Variants in TBC1D1 observed in about 807,000 individuals in gnomAD.
The protein encoded by TBC1D1 is TBC1 domain family member 1, also known as TBC1 (tre-2/USP6, BUB2, cdc16) domain family, member 1.
Under a neutral mutation model 125.6 loss-of-function variants are expected in TBC1D1, and 89 were observed. The observed-to-expected ratio is 0.71, with a 90% CI of 0.60 to 0.85. The LOEUF is 0.85. Ranked by LOEUF, TBC1D1 falls within the 40% of genes least tolerant of loss-of-function variation. The pLI, the probability that TBC1D1 is intolerant of heterozygous loss-of-function variation, is 0.00. For synonymous variants in TBC1D1, 565 were observed against 564.1 expected (o/e 1.00, Z -0.02); for missense variants, 1,377 against 1,469.2 (o/e 0.94, Z 1.03).
intron 12 of TBC1D1, among the ~76,000 whole-genome samples, chr4:38,081,456 A>G (rs1005408026): frequency 1.5e-4 from 23 of 151,920 alleles, no homozygotes; most frequent in Admixed American, 1.5e-3. Context: ...CGGGCCTCCT[A>G]TTGTTGCGAG....
In TBC1D1 at chr4:38,008,815, C is replaced by T. The variant is rs189629974; in HGVS notation, c.418-5694C>T. ...ACAGGAGCGGCCTTCTGTGCCTTCG[C>T]CCATGTTTGTGTTCTGGCACCTGTC... On this transcript the variant is annotated intron_variant, in intron 2 of 19. Coordinates refer to ENST00000261439, the MANE Select transcript of TBC1D1 (RefSeq NM_015173.4). Among the ~76,000 whole-genome samples, 1,218 of 152,290 alleles carry T rather than the reference C, an allele frequency of 8.0e-3. 6 individuals are homozygous for T. The highest frequency in any genetic ancestry group is 0.029 in the South Asian group (139 of 4,822).
At chr4:37,958,508 T>G (rs1729340764) in intron 2 of TBC1D1, among the ~76,000 whole-genome samples, 2 of 152,220 alleles carry the variant, frequency 1.3e-5, no homozygotes, top group African/African-American at 4.8e-5. Flanking sequence ...ACTTAAGCAT[T>G]CCGTCTCTCC....
chr4:37,910,628 A>G lies in TBC1D1; in HGVS notation c.417+8116A>G, dbSNP rs995529835. On this transcript the variant is annotated intron_variant, in intron 2 of 19. Coordinates refer to ENST00000261439, the MANE Select transcript of TBC1D1 (RefSeq NM_015173.4). ...TGAACTCATGGAGATAGGGAGTAGAATGATGGTTACCAGAGACTGGGAAGG... is the reference window on the plus strand; with the variant it reads ...TGAACTCATGGAGATAGGGAGTAGAGTGATGGTTACCAGAGACTGGGAAGG... Among the ~76,000 whole-genome samples, 83 of 152,284 alleles carry G rather than the reference A, an allele frequency of 5.5e-4. 1 individual carries two copies. The highest frequency in any genetic ancestry group is 4.4e-5 in the Non-Finnish European group (3 of 68,030).
chr4:37,916,265 T>C (rs1469347521), intron 2 of TBC1D1, among the ~76,000 whole-genome samples: 1 of 152,180 alleles, frequency 6.6e-6, no homozygotes, highest in African/African-American at 2.4e-5. Flanking sequence ...TATGAAATCA[T>C]TTTTTATATC....
intron 12 of TBC1D1, among the ~76,000 whole-genome samples, chr4:38,080,610 C>T (rs1049066315): frequency 2.0e-5 from 3 of 152,244 alleles, no homozygotes; most frequent in African/African-American, 7.2e-5. Flanking sequence ...CCCGCATCTC[C>T]TTCCCAGTCG....
chr4:38,119,810 A>T (rs1485026920), intron 17 of TBC1D1: 1 of 233,366 alleles, frequency 4.3e-6, no homozygotes, highest in Non-Finnish European at 7.0e-6. Context: ...CAGGCATTAA[A>T]TTACTTGGTT....
chr4:38,018,949 A>T (rs562463332), intron 4 of TBC1D1, among the ~76,000 whole-genome samples: 27 of 152,224 alleles, frequency 1.8e-4, no homozygotes, highest in African/African-American at 6.0e-4. Context: ...TTTCTACTTT[A>T]CAAAAATTTA....
intron 12 of TBC1D1, among the ~76,000 whole-genome samples, chr4:38,067,558 A>G (rs1335360298): frequency 6.6e-6 from 1 of 152,194 alleles, no homozygotes; most frequent in East Asian, 1.9e-4. Context: ...TCAGCCTGGC[A>G]AGGATTCAGA....
chr4:38,021,681 C>G lies in TBC1D1; in HGVS notation c.1173C>G (p.Pro391=), dbSNP rs34119528. ...CAGCCCAGCTGTGTGAGGGCTGCCC[C>G]CTGCAAAGCCTGCACAAGCTCTGTG... Residue 391 remains proline (P), a synonymous_variant, in exon 6 of 20, where the codon CCC becomes CCG. Transcript: ENST00000261439. The G allele has an allele frequency of 0.16, 249,732 of 1,588,454 alleles. 22,276 individuals are homozygous for G. The highest frequency in any genetic ancestry group is 0.39 in the East Asian group (17,077 of 43,288).
chr4:37,945,437 TG>T (rs1041223989), intron 2 of TBC1D1, among the ~76,000 whole-genome samples: 6 of 135,840 alleles, frequency 4.4e-5, no homozygotes, highest in Admixed American at 8.5e-5. Context: ...CACTTGAACC[TG>T]GGAGGCGGAG....
At chr4:37,944,792 C>T (rs530053505) in intron 2 of TBC1D1, among the ~76,000 whole-genome samples, 28 of 152,292 alleles carry the variant, frequency 1.8e-4, no homozygotes, top group African/African-American at 5.8e-4. Context: ...CCAGGTGAGG[C>T]GATGCCTCGC....
chr4:38,134,148 G>C (rs1461628069), intron 19 of TBC1D1, among the ~76,000 whole-genome samples: 1 of 152,138 alleles, frequency 6.6e-6, no homozygotes, highest in African/African-American at 2.4e-5. Flanking sequence ...TGGTGTTCCT[G>C]GGCTGTCCTG....
At chr4:37,983,146 C>T (rs551572494) in intron 2 of TBC1D1, among the ~76,000 whole-genome samples, 43 of 126,748 alleles carry the variant, frequency 3.4e-4, no homozygotes, top group Admixed American at 8.5e-4. Flanking sequence ...TTTTTTCAGA[C>T]GGAGTCTCGC....
chr4:37,961,874 CA>C (rs1433486174), intron 2 of TBC1D1, among the ~76,000 whole-genome samples: 3 of 152,194 alleles, frequency 2.0e-5, no homozygotes, highest in African/African-American at 7.2e-5. Flanking sequence ...AAAAAAGATG[CA>C]AGGTCTCAGT....
intron 15 of TBC1D1, 23 bp from the exon 18 acceptor site, chr4:38,115,687 A>G (rs1762869541): frequency 6.3e-7 from 1 of 1,594,064 alleles, no homozygotes; most frequent in South Asian, 1.1e-5. Flanking sequence ...TATTATTACA[A>G]CTAATATGTA....
chr4:38,014,568 G>A lies in TBC1D1; in HGVS notation c.477G>A (p.Leu159=), dbSNP rs770892993. Residue 159 remains leucine (L), a synonymous_variant, in exon 3 of 20, where the codon CTG becomes CTA. Transcript: ENST00000261439. The surrounding 1 kb of genome is among the most constrained non-coding windows in gnomAD (Gnocchi z 5.1). ...GGAAGATCGCCCGGCAGGAGGAGCTGCACTGCCCGTCCGAGTTCGACGACA... is the reference window on the plus strand; with the variant it reads ...GGAAGATCGCCCGGCAGGAGGAGCTACACTGCCCGTCCGAGTTCGACGACA... 6.2e-7 allele frequency: 1 copy of A among 1,613,374 alleles called. No homozygotes were observed. The highest frequency in any genetic ancestry group is 1.7e-5 in the Admixed American group (1 of 60,034).
chr4:38,060,965 C>A (rs955030403), intron 12 of TBC1D1, among the ~76,000 whole-genome samples: 1 of 152,204 alleles, frequency 6.6e-6, no homozygotes, highest in African/African-American at 2.4e-5. Flanking sequence ...GTCTGTCAGG[C>A]TGCCCTGGGT....
intron 13 of TBC1D1, among the ~76,000 whole-genome samples, chr4:38,093,774 C>A (rs1314472834): frequency 6.6e-6 from 1 of 152,134 alleles, no homozygotes; most frequent in Admixed American, 6.5e-5. Flanking sequence ...CTCAGGTAAT[C>A]CTCCCACCTT....
At chr4:38,041,642 T>A (rs1232016522) in intron 8 of TBC1D1, among the ~76,000 whole-genome samples, 4 of 152,138 alleles carry the variant, frequency 2.6e-5, no homozygotes, top group Admixed American at 1.3e-4. Context: ...TCAAAAAAAA[T>A]TTGTCAACAG....
Sources: gnomAD v4.1 joint callset for allele counts (sites outside exome capture counted in the v4.1 genomes callset) on GRCh38, gnomAD v4.1.1 for gene constraint, Gnocchi (gnomAD v3.1) non-coding constraint, MANE v1.5 for transcripts, NCBI Gene and HGNC (gene_info 2026-07-23, HGNC 2026-07-21) for gene names.